Variants in RASGRF1 observed in about 807,000 individuals in gnomAD.
RASGRF1 encodes Ras protein specific guanine nucleotide releasing factor 1.
A neutral mutation model predicts 138.7 loss-of-function variants in RASGRF1; 40 were observed. That is an observed-to-expected ratio of 0.29 (90% confidence interval 0.22 to 0.38). RASGRF1 has a LOEUF of 0.38. Among genes scored for constraint, RASGRF1 ranks in the 10% least tolerant of loss-of-function variants. The pLI is 1.00. For missense variants in RASGRF1, 1,108 were observed against 1,650.4 expected (o/e 0.67, Z 5.69); for synonymous variants, 614 against 663.2 (o/e 0.93, Z 1.14).
chr15:79,075,304 T>C (rs2057817958), intron 1 of RASGRF1, among the ~76,000 whole-genome samples: 1 of 152,170 alleles, frequency 6.6e-6, no homozygotes, highest in Non-Finnish European at 1.5e-5. Context: ...ATGTGGGCCC[T>C]TGTCTTTGCT....
At chr15:79,083,349 A>G (rs1159506991) in intron 1 of RASGRF1, among the ~76,000 whole-genome samples, 1 of 152,318 alleles carries the variant, frequency 6.6e-6, no homozygotes, top group East Asian at 1.9e-4. Context: ...TCCACGCGTC[A>G]CTAGTGCTCC....
chr15:79,013,475 T>C (rs1026751802), intron 13 of RASGRF1, among the ~76,000 whole-genome samples: 12 of 152,114 alleles, frequency 7.9e-5, no homozygotes, highest in African/African-American at 2.9e-4. Context: ...TGGTGGCGAG[T>C]GGAAACAAAG....
intron 16 of RASGRF1, 117 bp from the exon 17 acceptor site, chr15:79,000,030 G>T: frequency 9.1e-7 from 1 of 1,095,480 alleles, no homozygotes. Context: ...TGTGTCTTCA[G>T]GGTACCAGGG....
chr15:79,063,042 C>T (rs1192045600), intron 2 of RASGRF1, among the ~76,000 whole-genome samples: 5 of 152,158 alleles, frequency 3.3e-5, no homozygotes, highest in Non-Finnish European at 5.9e-5. Context: ...CAAATCTTAC[C>T]CTATTTCCAG....
At chr15:79,051,988 T>C (rs2057438664) in intron 3 of RASGRF1, among the ~76,000 whole-genome samples, 1 of 152,188 alleles carries the variant, frequency 6.6e-6, no homozygotes, top group Non-Finnish European at 1.5e-5. Context: ...TAGATTTTGC[T>C]TTGCACCCTG....
intron 5 of RASGRF1, among the ~76,000 whole-genome samples, chr15:79,044,473 C>T (rs192604087): frequency 3.9e-5 from 6 of 152,274 alleles, no homozygotes; most frequent in South Asian, 2.1e-4. Context: ...GAACCCAGCA[C>T]GCAGGGAGGC....
chr15:78,998,054 C>G (rs749257009), intron 19 of RASGRF1, 42 bp downstream of exon 19: 3 of 1,545,142 alleles, frequency 1.9e-6, no homozygotes, highest in Non-Finnish European at 2.7e-6. Flanking sequence ...GGCTCCTGTC[C>G]CAGCAGGCAG....
intron 23 of RASGRF1, chr15:78,981,603 T>C (rs2056033488): frequency 6.6e-6 from 1 of 152,162 alleles, no homozygotes. Flanking sequence ...GAGAAATTTG[T>C]CTACTGAGAA....
At chr15:78,986,323 G>A (rs1461461084) in intron 22 of RASGRF1, among the ~76,000 whole-genome samples, 3 of 151,962 alleles carry the variant, frequency 2.0e-5, no homozygotes, top group Non-Finnish European at 4.4e-5. Context: ...GGGCTTTCTG[G>A]TACATTCTTT....
chr15:78,979,058 T>C (rs942295765), intron 24 of RASGRF1: 29 of 1,289,654 alleles, frequency 2.2e-5, no homozygotes, highest in Non-Finnish European at 2.9e-5. Flanking sequence ...TGTGAGGAGG[T>C]GGATGGAGTG....
At chr15:78,991,882 G>T in intron 20 of RASGRF1, 88 bp from the exon 21 acceptor site, 2 of 1,054,808 alleles carry the variant, frequency 1.9e-6, no homozygotes, top group South Asian at 1.3e-5. Flanking sequence ...GGGGTATCTC[G>T]CCCTCGAATT....
chr15:79,009,319 G>T (rs887396140), intron 13 of RASGRF1, among the ~76,000 whole-genome samples: 1 of 152,228 alleles, frequency 6.6e-6, no homozygotes, highest in African/African-American at 2.4e-5. Context: ...AAACTGTGAA[G>T]AAGCAATAAT....
chr15:79,077,600 T>C (rs1309580621), intron 1 of RASGRF1, among the ~76,000 whole-genome samples: 1 of 152,170 alleles, frequency 6.6e-6, no homozygotes, highest in East Asian at 1.9e-4. Context: ...GTCACAGCCA[T>C]GCAAGATCAG....
chr15:79,055,629 C>A (rs542830747), intron 3 of RASGRF1, among the ~76,000 whole-genome samples: 2 of 152,256 alleles, frequency 1.3e-5, no homozygotes, highest in African/African-American at 4.8e-5. Flanking sequence ...GCTTTCTGCT[C>A]CCCAACACCA....
chr15:79,006,182 C>T lies in RASGRF1; in HGVS notation c.2075+4G>A. On this transcript the variant is annotated splice_donor_region_variant and intron_variant, in intron 14 of 26. Transcript: ENST00000558480. This position sits in a 1 kb window ranked among gnomAD's most constrained non-coding sequence, Gnocchi z 4.0. ...GCATGGGAGGAGGAGGGCACCTCAG[C>T]CACCTGGCAGGAATGGCACTGATAG... 6.2e-7 allele frequency: 1 copy of T among 1,614,034 alleles called. No individual in the cohort carries two copies.
intron 1 of RASGRF1, among the ~76,000 whole-genome samples, chr15:79,064,821 G>A (rs117474366): frequency 8.1e-4 from 123 of 152,362 alleles, no homozygotes; most frequent in Non-Finnish European, 1.4e-3. Flanking sequence ...CATCAGGCGC[G>A]CTGGAGGGAA....
At chr15:78,976,718 C>T (rs1337112496) in intron 24 of RASGRF1, among the ~76,000 whole-genome samples, 1 of 152,246 alleles carries the variant, frequency 6.6e-6, no homozygotes, top group Non-Finnish European at 1.5e-5. Context: ...AAAAGGGAAG[C>T]ATGTTGGGGC....
chr15:79,019,913 A>T, intron 11 of RASGRF1, 128 bp downstream of exon 11: 1 of 1,099,448 alleles, frequency 9.1e-7, no homozygotes, highest in Non-Finnish European at 1.3e-6. Flanking sequence ...GCATGTGTGG[A>T]CCTCCCCTCC....
chr15:78,971,918 C>T lies in RASGRF1; in HGVS notation c.3629G>A (p.Arg1210Gln), dbSNP rs1392830144. Residue 1210 changes from arginine to glutamine, a missense_variant, in exon 26 of 27, where the codon CGA becomes CAA. Around this residue, in one of 3 missense-constraint regions of RASGRF1, gnomAD observed 686 missense variants for 976.7 expected, o/e 0.70. Transcript: ENST00000558480. Reference protein sequence around the residue: ...SKMRMISHIIREIRQFQQTAY... With the variant: ...SKMRMISHIIQEIRQFQQTAY... Reference sequence around the variant, plus strand: ...AGTTTGTTGAAACTGGCGAATCTCTCGGATAATATGGGATATCTGTGGGAA... The same window carrying T: ...AGTTTGTTGAAACTGGCGAATCTCTTGGATAATATGGGATATCTGTGGGAA... The T allele has an allele frequency of 1.3e-6, 2 of 1,585,810 alleles. No individual in the cohort carries two copies. The highest frequency in any genetic ancestry group is 1.7e-6 in the Non-Finnish European group (2 of 1,154,220).
Sources: gnomAD v4.1 joint callset for allele counts (sites outside exome capture counted in the v4.1 genomes callset) on GRCh38, gnomAD v4.1.1 for gene constraint, gnomAD v4.1.1 regional missense constraint, Gnocchi (gnomAD v3.1) non-coding constraint, MANE v1.5 for transcripts, NCBI Gene and HGNC (gene_info 2026-07-23, HGNC 2026-07-21) for gene names.